The following GALNT13 variants were observed in gnomAD, a reference collection of about 807,000 sequenced individuals.
GALNT13 encodes the protein UDP-GalNAc:polypeptide N-acetylgalactosaminyltransferase 13.
In GALNT13, 28 loss-of-function variants were observed where a neutral mutation model predicts 64.2. That is an observed-to-expected ratio of 0.44 (90% confidence interval 0.32 to 0.60). GALNT13 has a LOEUF of 0.60. GALNT13 is among the 20% of genes least tolerant of loss of function. The pLI, the probability that GALNT13 is intolerant of heterozygous loss-of-function variation, is 0.05. For missense variants in GALNT13, 577 were observed against 669.8 expected (o/e 0.86, Z 1.53); for synonymous variants, 214 against 224.6 (o/e 0.95, Z 0.42).
chr2:153,157,016 A>G, the GALNT13 span, among the ~76,000 whole-genome samples: 3 of 152,310 alleles, frequency 2.0e-5, no homozygotes, highest in East Asian at 1.9e-4. Flanking sequence ...AGTGAACTCA[A>G]TAGGTAGAAG....
intron 4 of GALNT13, among the ~76,000 whole-genome samples, chr2:154,160,627 C>T (rs963669264): frequency 6.6e-6 from 1 of 151,724 alleles, no homozygotes; most frequent in Non-Finnish European, 1.5e-5. Flanking sequence ...CAAGGCATTA[C>T]TTCAGATTAT....
intron 10 of GALNT13, among the ~76,000 whole-genome samples, chr2:154,404,668 C>G (rs1210683138): frequency 2.0e-5 from 3 of 152,104 alleles, no homozygotes; most frequent in African/African-American, 7.2e-5. Flanking sequence ...AGGGTCTGAA[C>G]AGTCTGCAGT....
chr2:153,441,631 T>C, the GALNT13 span, among the ~76,000 whole-genome samples: 23 of 152,320 alleles, frequency 1.5e-4, no homozygotes, highest in African/African-American at 5.1e-4. Context: ...CCTTGAGCAA[T>C]GGTTTGCAGT....
intron 4 of GALNT13, among the ~76,000 whole-genome samples, chr2:154,195,792 A>C (rs1254693812): frequency 1.3e-5 from 2 of 152,200 alleles, no homozygotes; most frequent in Non-Finnish European, 2.9e-5. Context: ...GATATTTTCC[A>C]AACACCCTGC....
chr2:154,218,386 G>C (rs1688155279), intron 4 of GALNT13, among the ~76,000 whole-genome samples: 1 of 152,016 alleles, frequency 6.6e-6, no homozygotes, highest in Admixed American at 6.6e-5. Flanking sequence ...GCCATCTAAA[G>C]AGGCAAACAA....
intron 1 of GALNT13, among the ~76,000 whole-genome samples, chr2:153,898,444 C>T (rs898689616): frequency 9.2e-5 from 14 of 152,056 alleles, no homozygotes; most frequent in African/African-American, 3.4e-4. Flanking sequence ...TTACCTTTAG[C>T]TGTTAGTGTT....
chr2:153,883,972 A>G (rs761105613), intron 1 of GALNT13, among the ~76,000 whole-genome samples: 1 of 152,060 alleles, frequency 6.6e-6, no homozygotes, highest in Non-Finnish European at 1.5e-5. Flanking sequence ...AAGACTGACA[A>G]TGTCACGATA....
chr2:154,276,416 G>A (rs1011927689), intron 8 of GALNT13, among the ~76,000 whole-genome samples: 8 of 151,824 alleles, frequency 5.3e-5, no homozygotes, highest in African/African-American at 1.9e-4. Flanking sequence ...AACGGAAAAT[G>A]CAACATCTGC....
At chr2:153,366,863 C>T in the GALNT13 span, among the ~76,000 whole-genome samples, 10 of 150,950 alleles carry the variant, frequency 6.6e-5, no homozygotes, top group East Asian at 7.8e-4. Flanking sequence ...TACAGAGGAA[C>T]GAAGATAAGA....
chr2:153,792,854 T>C, the GALNT13 span, among the ~76,000 whole-genome samples: 1 of 152,286 alleles, frequency 6.6e-6, no homozygotes, highest in East Asian at 1.9e-4. Flanking sequence ...GTATTACAAA[T>C]TTGGGAAGAA....
chr2:154,434,466 A>T (rs1156687068), intron 11 of GALNT13, among the ~76,000 whole-genome samples: 2 of 152,098 alleles, frequency 1.3e-5, no homozygotes, highest in African/African-American at 4.8e-5. Context: ...TCACCGTGTT[A>T]GCCAGGATGG....
intron 11 of GALNT13, among the ~76,000 whole-genome samples, chr2:154,414,992 AT>A (rs1699947675): frequency 6.6e-6 from 1 of 151,924 alleles, no homozygotes; most frequent in African/African-American, 2.4e-5. Context: ...ACTGATATTA[AT>A]TTTTATTTAA....
the GALNT13 span, among the ~76,000 whole-genome samples, chr2:153,816,422 A>G: frequency 6.6e-6 from 1 of 152,198 alleles, no homozygotes; most frequent in Non-Finnish European, 1.5e-5. Context: ...ATAAAGTAGA[A>G]GAAATAGTGG....
the GALNT13 span, among the ~76,000 whole-genome samples, chr2:153,097,390 A>G: frequency 5.5e-3 from 835 of 152,178 alleles, 3 homozygotes; most frequent in Middle Eastern, 0.014. Context: ...TTTATTTCTC[A>G]TTAATGGGAT....
intron 9 of GALNT13, among the ~76,000 whole-genome samples, chr2:154,343,495 A>G (rs1181603479): frequency 2.0e-5 from 3 of 152,074 alleles, no homozygotes; most frequent in Admixed American, 2.0e-4. Flanking sequence ...ACTATTATAC[A>G]ATAGAGTGCT....
chr2:153,784,078 C>A, the GALNT13 span, among the ~76,000 whole-genome samples: 1 of 152,058 alleles, frequency 6.6e-6, no homozygotes, highest in Non-Finnish European at 1.5e-5. Flanking sequence ...GTTCAGAGGG[C>A]TTAGAAGAAG....
chr2:153,488,529 G>C, the GALNT13 span, among the ~76,000 whole-genome samples: 3 of 152,194 alleles, frequency 2.0e-5, no homozygotes, highest in Admixed American at 6.5e-5. Flanking sequence ...CCCAGATAAT[G>C]ATGTTTTTGG....
At chr2:153,672,442 C>T in the GALNT13 span, among the ~76,000 whole-genome samples, 1 of 152,138 alleles carries the variant, frequency 6.6e-6, no homozygotes, top group Non-Finnish European at 1.5e-5. Context: ...CAACCTGCTC[C>T]TGAATGACTA....
At chr2:154,002,894 TACTC>T (rs1386031950) in intron 3 of GALNT13, among the ~76,000 whole-genome samples, 1 of 152,200 alleles carries the variant, frequency 6.6e-6, no homozygotes, top group Non-Finnish European at 1.5e-5. Flanking sequence ...CACCAGAACT[TACTC>T]ACTGCCCTTC....
Sources: allele counts gnomAD v4.1 joint callset (sites outside exome capture counted in the v4.1 genomes callset), GRCh38; gene constraint gnomAD v4.1.1; transcripts MANE v1.5; gene names NCBI Gene and HGNC (gene_info 2026-07-23, HGNC 2026-07-21).